Variants in API5 observed in about 807,000 individuals in gnomAD.
The protein encoded by API5 is apoptosis inhibitor 5, also known as FIF.
API5 carries 6 observed loss-of-function variants against 71.9 expected under a neutral mutation model. That is an observed-to-expected ratio of 0.08 (90% CI 0.05 to 0.16). API5 has a LOEUF of 0.16. API5 is among the 10% of genes least tolerant of loss of function. The pLI, the probability that API5 is intolerant of heterozygous loss-of-function variation, is 1.00. For missense variants in API5, 332 were observed against 612.8 expected (o/e 0.54, Z 4.84); for synonymous variants, 189 against 221.3 (o/e 0.85, Z 1.30).
chr11:43,326,495 G>T lies in API5; in HGVS notation c.751-12G>T, dbSNP rs753532024. 3 of 1,553,074 alleles carry T rather than the reference G, an allele frequency of 1.9e-6. No individual in the cohort carries two copies. Among genetic ancestry groups the T allele is most frequent in the South Asian group, 2.3e-5 (2 of 86,646 alleles). On this transcript the variant is annotated splice_polypyrimidine_tract_variant and intron_variant, in intron 6 of 13. Coordinates refer to ENST00000531273, the MANE Select transcript of API5 (RefSeq NM_001142930.2). ...GTTTTTCGACAATGCATTTTCTTTGGATTTCTTACAGAAAAATGTCCATTC... is the reference window on the plus strand; with the variant it reads ...GTTTTTCGACAATGCATTTTCTTTGTATTTCTTACAGAAAAATGTCCATTC...
At chr11:43,335,141 C>G (rs1365672780) in intron 11 of API5, 137 bp from the exon 12 acceptor site, 4 of 665,006 alleles carry the variant, frequency 6.0e-6, no homozygotes, top group Admixed American at 2.7e-5. Context: ...CAAAATTGTT[C>G]CTGTTTAATT....
At chr11:43,333,959 T>G (rs1227694661) in intron 11 of API5, among the ~76,000 whole-genome samples, 9 of 152,224 alleles carry the variant, frequency 5.9e-5, no homozygotes, top group Admixed American at 5.9e-4. Context: ...TTCAACATAG[T>G]AAATTCAAGT....
chr11:43,342,592 C>T lies in API5; in HGVS notation c.*82C>T, dbSNP rs775059234. The T allele has an allele frequency of 2.0e-5, 28 of 1,404,658 alleles. No individual in the cohort carries two copies. Among genetic ancestry groups the T allele is most frequent in the Non-Finnish European group, 2.8e-5 (28 of 1,000,244 alleles). The allele number at this position is 1,404,658 out of a possible 1,614,324, so 87.0% of individuals were successfully genotyped here. On this transcript the variant is annotated 3_prime_UTR_variant, in exon 14 of 14. Coordinates refer to ENST00000531273, the MANE Select transcript of API5 (RefSeq NM_001142930.2). ...ACTCATTGGATTGCCGGGGATGTCC[C>T]TTTAAACAGACTGCTGCCTTCAGCT...
chr11:43,327,715 G>A (rs755392369), intron 7 of API5, 74 bp from the exon 8 acceptor site: 14 of 1,046,306 alleles, frequency 1.3e-5, no homozygotes, highest in East Asian at 5.1e-5. Flanking sequence ...GTCTTAAATC[G>A]TTATCTAGAA....
At chr11:43,315,188 C>A (rs559762558) in intron 1 of API5, among the ~76,000 whole-genome samples, 1 of 152,296 alleles carries the variant, frequency 6.6e-6, no homozygotes, top group Non-Finnish European at 1.5e-5. Flanking sequence ...ATACTCCTTT[C>A]AGAGTAGTGC....
At chr11:43,318,020 G>GTTTTT (rs1030635044) in intron 1 of API5, among the ~76,000 whole-genome samples, 2 of 149,562 alleles carry the variant, frequency 1.3e-5, no homozygotes, top group African/African-American at 4.9e-5. Flanking sequence ...GTTTTGTTTT[G>GTTTTT]TTTTTTGGAG....
rs1242341046 is a variant in API5, at chr11:43,312,027, G to A, written c.-101G>A. ...GGCGGCTGCACTGGCGGCAGCTGGA[G>A]GTGTAATAGTGCGGGTAGTGGGTTT... On this transcript the variant is annotated 5_prime_UTR_variant, in exon 1 of 14. Coordinates refer to ENST00000531273, the MANE Select transcript of API5 (RefSeq NM_001142930.2). 6.8e-6 allele frequency: 9 copies of A among 1,317,278 alleles called. No individual in the cohort carries two copies. In the South Asian group the frequency reaches 1.0e-4, roughly 15 times the overall value. The allele number at this position is 1,317,278 out of a possible 1,614,324, so 81.6% of individuals were successfully genotyped here.
At chr11:43,333,372 T>G (rs138128145) in intron 11 of API5, among the ~76,000 whole-genome samples, 75 of 152,294 alleles carry the variant, frequency 4.9e-4, no homozygotes, top group African/African-American at 1.7e-3. Flanking sequence ...ATTGGCCATC[T>G]GGGGAGCAGA....
At chr11:43,340,276 T>A in intron 13 of API5, 1 of 308,278 alleles carries the variant, frequency 3.2e-6, no homozygotes, top group South Asian at 2.7e-5. Flanking sequence ...TGAAAGAAAT[T>A]GAAGGAGATA....
intron 1 of API5, among the ~76,000 whole-genome samples, chr11:43,316,419 G>A (rs1854672805): frequency 6.6e-6 from 1 of 150,530 alleles, no homozygotes; most frequent in African/African-American, 2.4e-5. Flanking sequence ...TTTGGACAGT[G>A]TAAGGAGTTT....
Position 43,312,206 on chromosome 11 carries a change from G to GT in API5, c.69+11dup. ...GGAGCAAGTGGGCCAGGTGAGTTGA[G>GT]TCCCCGGGCGGCCTGCAGGGCCTGG... On this transcript the variant is annotated intron_variant, in intron 1 of 13. Coordinates refer to ENST00000531273, the MANE Select transcript of API5 (RefSeq NM_001142930.2). The GT allele has an allele frequency of 1.9e-6, 3 of 1,613,038 alleles. No homozygotes were observed. In the South Asian group the frequency reaches 3.3e-5, roughly 18 times the overall value.
rs1416795969 is a variant in API5, at chr11:43,342,685, A to C, written c.*175A>C. The C allele has an allele frequency of 4.1e-6, 3 of 727,762 alleles. No individual in the cohort carries two copies. Among genetic ancestry groups the C allele is most frequent in the Non-Finnish European group, 7.4e-6 (3 of 407,872 alleles). 45.1% of individuals were successfully genotyped at this position (727,762 alleles called of 1,614,324 possible). ...TTTGTAACAGACCATGGTTGTGTCC[A>C]AGGTAAAACCACAGTGATATTTTTG... On this transcript the variant is annotated 3_prime_UTR_variant, in exon 14 of 14. Coordinates refer to ENST00000531273, the MANE Select transcript of API5 (RefSeq NM_001142930.2).
chr11:43,338,800 T>C (rs1855520262), intron 13 of API5, among the ~76,000 whole-genome samples: 1 of 152,148 alleles, frequency 6.6e-6, no homozygotes, highest in Non-Finnish European at 1.5e-5. Flanking sequence ...TGGATTGTAA[T>C]AGTCTTTTAG....
At chr11:43,321,252 C>A (rs555656669) in intron 3 of API5, among the ~76,000 whole-genome samples, 159 bp from the exon 4 acceptor site, 1 of 152,136 alleles carries the variant, frequency 6.6e-6, no homozygotes, top group African/African-American at 2.4e-5. Context: ...TCTCAACTTA[C>A]AAGGAACACG....
chr11:43,337,285 C>T (rs1303563997), intron 13 of API5, among the ~76,000 whole-genome samples: 10 of 152,038 alleles, frequency 6.6e-5, no homozygotes, highest in East Asian at 5.8e-4. Flanking sequence ...TATGATGGTG[C>T]GACTGCACTC....
chr11:43,331,473 C>A (rs1454179205), intron 11 of API5: 2 of 206,370 alleles, frequency 9.7e-6, no homozygotes, highest in Non-Finnish European at 1.9e-5. Context: ...TACAATAAAG[C>A]TGCAGGAAAA....
chr11:43,330,191 T>C (rs1855207565), intron 10 of API5, 133 bp downstream of exon 10: 1 of 727,130 alleles, frequency 1.4e-6, no homozygotes, highest in Non-Finnish European at 2.2e-6. Context: ...TGAAATATTT[T>C]AGATTTTTAT....
At chr11:43,335,430 C>A in intron 12 of API5, 76 bp downstream of exon 12, 1 of 872,376 alleles carries the variant, frequency 1.1e-6, no homozygotes, top group Non-Finnish European at 1.9e-6. Context: ...CAAAAGGGTG[C>A]AATGTTAAAT....
At chr11:43,322,491 A>G (rs1473423481) in intron 5 of API5, among the ~76,000 whole-genome samples, 2 of 152,106 alleles carry the variant, frequency 1.3e-5, no homozygotes, top group African/African-American at 4.8e-5. Flanking sequence ...AATTATTTCA[A>G]AATGAAACAT....
Sources: gnomAD v4.1 joint callset for allele counts (sites outside exome capture counted in the v4.1 genomes callset) on GRCh38, gnomAD v4.1.1 for gene constraint, MANE v1.5 for transcripts, NCBI Gene and HGNC (gene_info 2026-07-23, HGNC 2026-07-21) for gene names.